CFAP61: variants seen among roughly 807,000 people sequenced by gnomAD.
CFAP61 encodes cilia and flagella associated protein 61.
Under a neutral mutation model 135.6 loss-of-function variants are expected in CFAP61, and 107 were observed. The ratio of observed to expected loss-of-function variants is 0.79; its 90% confidence interval spans 0.67 to 0.93. The LOEUF (loss-of-function observed/expected upper bound fraction) is 0.93. Ranked by LOEUF, CFAP61 falls within the 40% of genes least tolerant of loss-of-function variation. The pLI is 0.00. For synonymous variants in CFAP61, 575 were observed against 578.5 expected, an observed-to-expected ratio of 0.99 and a Z score of 0.09; for missense variants, 1,507 against 1,556.2, an observed-to-expected ratio of 0.97 and a Z score of 0.53.
At chr20:20,150,717 A>G (rs1016859815) in intron 9 of CFAP61, among the ~76,000 whole-genome samples, 2 of 152,176 alleles carry the variant, frequency 1.3e-5, no homozygotes, top group Non-Finnish European at 1.5e-5. Context: ...CTGAAGATAG[A>G]TTGTATCACA....
chr20:20,208,216 G>A (rs6035582), intron 17 of CFAP61, among the ~76,000 whole-genome samples: 95,599 of 152,026 alleles, frequency 0.63, 30,474 homozygotes, highest in East Asian at 0.76. Flanking sequence ...CTTGAGTTCT[G>A]TATCTCATCG....
chr20:20,294,627 G>A (rs918053129), intron 24 of CFAP61, among the ~76,000 whole-genome samples: 2 of 152,142 alleles, frequency 1.3e-5, no homozygotes, highest in South Asian at 4.1e-4. Flanking sequence ...CAGTCTTTAC[G>A]TTTAAAAATA....
At chr20:20,261,781 G>A (rs543548832) in intron 20 of CFAP61, among the ~76,000 whole-genome samples, 1 of 152,112 alleles carries the variant, frequency 6.6e-6, no homozygotes, top group South Asian at 2.1e-4. Flanking sequence ...ATGGAACTCA[G>A]TCATGGCTGA....
chr20:20,314,534 A>AT (rs11478344), intron 25 of CFAP61, among the ~76,000 whole-genome samples: 2,230 of 149,190 alleles, frequency 0.015, 64 homozygotes, highest in African/African-American at 0.051. Context: ...ATTATTATTT[A>AT]TTTTTTTTAT....
chr20:20,345,689 G>A (rs1204253230), intron 26 of CFAP61, among the ~76,000 whole-genome samples: 1 of 152,082 alleles, frequency 6.6e-6, no homozygotes, highest in African/African-American at 2.4e-5. Context: ...GGGAGGACAA[G>A]GCAGGCAGAT....
intron 20 of CFAP61, chr20:20,253,601 G>A: frequency 4.1e-6 from 2 of 490,920 alleles, no homozygotes; most frequent in Admixed American, 4.1e-5. Flanking sequence ...CACTCTTTTT[G>A]GGCCACTGAC....
intron 25 of CFAP61, among the ~76,000 whole-genome samples, chr20:20,307,635 C>T (rs940744907): frequency 4.6e-5 from 7 of 152,156 alleles, no homozygotes; most frequent in African/African-American, 1.7e-4. Context: ...AAATTGCATT[C>T]GTGTATGTGC....
At chr20:20,227,349 G>T (rs1403645675) in intron 17 of CFAP61, among the ~76,000 whole-genome samples, 1 of 152,212 alleles carries the variant, frequency 6.6e-6, no homozygotes, top group Non-Finnish European at 1.5e-5. Context: ...GGTCACCATT[G>T]TTTCCAATGA....
intron 3 of CFAP61, among the ~76,000 whole-genome samples, chr20:20,072,214 A>G (rs961845826): frequency 7.2e-6 from 1 of 139,562 alleles, no homozygotes; most frequent in Non-Finnish European, 1.5e-5. Context: ...TCCCAGATTC[A>G]TGCCATTCTC....
At chr20:20,298,438 G>A in intron 25 of CFAP61, 52 bp downstream of exon 25, 1 of 1,462,404 alleles carries the variant, frequency 6.8e-7, no homozygotes, top group Non-Finnish European at 9.5e-7. Context: ...TATATATAAT[G>A]TCTGTGAATG....
At chr20:20,355,560 G>A (rs1340928298) in intron 26 of CFAP61, among the ~76,000 whole-genome samples, 4 of 137,058 alleles carry the variant, frequency 2.9e-5, no homozygotes, top group African/African-American at 1.2e-4. Flanking sequence ...AGCAGAGATG[G>A]TCACACTGTG....
chr20:20,067,678 A>AT (rs1568820128), intron 2 of CFAP61, among the ~76,000 whole-genome samples: 4 of 138,756 alleles, frequency 2.9e-5, no homozygotes, highest in African/African-American at 1.1e-4. Context: ...ATATATTTAT[A>AT]TTATATATAA....
At chr20:20,188,208 A>C in intron 14 of CFAP61, 152 bp downstream of exon 14, 2 of 756,386 alleles carry the variant, frequency 2.6e-6, no homozygotes, top group Non-Finnish European at 4.2e-6. Flanking sequence ...AGAAGAGAAA[A>C]CTGTGGAGAC....
intron 6 of CFAP61, among the ~76,000 whole-genome samples, chr20:20,090,079 C>T (rs942527831): frequency 6.6e-6 from 1 of 152,178 alleles, no homozygotes; most frequent in Non-Finnish European, 1.5e-5. Context: ...GGGACAATAT[C>T]ATAGTGGTGT....
chr20:20,224,321 C>T (rs2146940399), intron 17 of CFAP61, among the ~76,000 whole-genome samples: 1 of 152,276 alleles, frequency 6.6e-6, no homozygotes, highest in South Asian at 2.1e-4. Context: ...TCTCCCCTCC[C>T]ATCTGACCTC....
At chr20:20,340,158 G>T (rs1261278610) in intron 25 of CFAP61, among the ~76,000 whole-genome samples, 2 of 152,234 alleles carry the variant, frequency 1.3e-5, no homozygotes, top group Admixed American at 6.5e-5. Flanking sequence ...ACAGCCTCAA[G>T]TCGCAAATCC....
At chr20:20,067,670 A>G (rs1016521787) in intron 2 of CFAP61, among the ~76,000 whole-genome samples, 2 of 141,656 alleles carry the variant, frequency 1.4e-5, no homozygotes, top group Non-Finnish European at 3.0e-5. Context: ...TATAATATAT[A>G]TATTTATATT....
chr20:20,206,861 A>G (rs1044109827), intron 17 of CFAP61, among the ~76,000 whole-genome samples: 5 of 152,000 alleles, frequency 3.3e-5, no homozygotes, highest in Non-Finnish European at 7.4e-5. Context: ...CTGCCAAACT[A>G]TTTTCCAAAG....
Position 20,090,872 on chromosome 20 carries a change from A to G in CFAP61, c.595A>G (p.Ile199Val), listed in dbSNP as rs772344251. ...GGAAGACCATGACGATCTCATGCCAATATTTATGCGCTATGACACAATTCT... is the reference window on the plus strand; with the variant it reads ...GGAAGACCATGACGATCTCATGCCAGTATTTATGCGCTATGACACAATTCT... ...RVEDHDDLMP[I>V]FMRYDTILKE... The change falls in exon 7 of 27, where the codon ATA (isoleucine) becomes GTA (valine). Residue 199 changes from isoleucine (I) to valine (V), a missense_variant. By Grantham distance (29) the Ile-to-Val change is conservative. Transcript: ENST00000245957. The G allele has an allele frequency of 7.4e-6, 12 of 1,614,106 alleles. No individual in the cohort carries two copies. The highest frequency in any genetic ancestry group is 1.6e-4 in the Middle Eastern group (1 of 6,062).
Sources: allele counts gnomAD v4.1 joint callset (sites outside exome capture counted in the v4.1 genomes callset), GRCh38; gene constraint gnomAD v4.1.1; transcripts MANE v1.5; gene names NCBI Gene and HGNC (gene_info 2026-07-23, HGNC 2026-07-21).